Variants in GPR39 observed in about 807,000 individuals in gnomAD.
GPR39 encodes zinc sensing receptor.
GPR39 carries 23 observed loss-of-function variants against 18.4 expected under a neutral mutation model. The observed-to-expected ratio is 1.25, with a 90% confidence interval of 0.90 to 1.77. The LOEUF (loss-of-function observed/expected upper bound fraction) is 1.77, where lower values mean the gene tolerates loss of function less well. Among genes scored for constraint, GPR39 ranks in the 40% most tolerant of loss-of-function variants. GPR39 has a pLI of 0.00. For missense variants in GPR39, 647 were observed against 602.4 expected, an observed-to-expected ratio of 1.07 and a Z score of -0.78; for synonymous variants, 280 against 257.9, an observed-to-expected ratio of 1.09 and a Z score of -0.82.
chr2:132,633,207 A>G (rs1273571245), intron 1 of GPR39, among the ~76,000 whole-genome samples: 1 of 152,166 alleles, frequency 6.6e-6, no homozygotes. Flanking sequence ...AGTTGGGGAA[A>G]GGCTCAGAGC....
At position 132,641,464 on chromosome 2, in the gene GPR39, G is replaced by C. The variant is rs991435367; in HGVS notation, c.857-3637G>C. 2.4e-4 allele frequency among the ~76,000 whole-genome samples: 36 copies of C among 152,096 alleles called. 1 individual carries two copies. Reference sequence around the variant, plus strand: ...GAAGAGGGGGAGCCTTGCTGCTCTGGGGAGGGGCTAGGAAGGATTCTTTTA... The same window carrying C: ...GAAGAGGGGGAGCCTTGCTGCTCTGCGGAGGGGCTAGGAAGGATTCTTTTA... On this transcript the variant is annotated intron_variant, in intron 1 of 1. Transcript: ENST00000329321.
intron 1 of GPR39, among the ~76,000 whole-genome samples, chr2:132,533,756 T>A (rs1258322700): frequency 7.2e-5 from 11 of 152,216 alleles, no homozygotes; most frequent in Admixed American, 7.2e-4. Context: ...ATTCCCTATT[T>A]AATAAATGGT....
rs566889056 is a variant in GPR39, at chr2:132,618,836, G to A, written c.857-26265G>A. 1.1e-4 allele frequency among the ~76,000 whole-genome samples: 17 copies of A among 152,346 alleles called. No homozygotes were observed. In the South Asian group the frequency reaches 2.5e-3, roughly 22 times the overall value. On this transcript the variant is annotated intron_variant, in intron 1 of 1. Transcript: ENST00000329321. ...GGCCTGTGGTTGTGGAGGTCCCTAC[G>A]GAACTGAGGGCGTTTAGAAGATGGG... is the stretch of plus-strand genomic sequence containing the variant.
chr2:132,646,248 C>A lies in GPR39; in HGVS notation c.*642C>A. 1 of 1,575,738 alleles carries A rather than the reference C, an allele frequency of 6.3e-7. No homozygotes were observed. The highest frequency in any genetic ancestry group is 8.6e-7 in the Non-Finnish European group (1 of 1,158,102). On this transcript the variant is annotated 3_prime_UTR_variant, in exon 2 of 2. Transcript: ENST00000329321. Reference sequence around the variant, plus strand: ...CCGGCAGAGGCGATGAGACAGGCCGCTGATGATGCACAGGACTTGCGGTAC... The same window carrying A: ...CCGGCAGAGGCGATGAGACAGGCCGATGATGATGCACAGGACTTGCGGTAC...
At chr2:132,482,215 T>C (rs71413503) in intron 1 of GPR39, among the ~76,000 whole-genome samples, 7 of 152,250 alleles carry the variant, frequency 4.6e-5, no homozygotes, top group Non-Finnish European at 7.3e-5. Context: ...TTTTTCTCTG[T>C]GTCATGGGAA....
chr2:132,485,190 T>C (rs1681308038), intron 1 of GPR39, among the ~76,000 whole-genome samples: 1 of 152,236 alleles, frequency 6.6e-6, no homozygotes, highest in East Asian at 1.9e-4. Flanking sequence ...CAATCTGTAG[T>C]CTAAGCATTG....
At chr2:132,539,063 G>T (rs925279455) in intron 1 of GPR39, among the ~76,000 whole-genome samples, 5 of 152,168 alleles carry the variant, frequency 3.3e-5, no homozygotes, top group African/African-American at 1.2e-4. Context: ...CTTTCCAGGG[G>T]TGTGGATGGT....
chr2:132,646,517 T>C lies in GPR39; in HGVS notation c.*911T>C, dbSNP rs927835971. 2.9e-5 allele frequency: 11 copies of C among 383,956 alleles called. No homozygotes were observed. The highest frequency in any genetic ancestry group is 1.4e-4 in the South Asian group (1 of 7,338). 23.8% of individuals were successfully genotyped at this position (383,956 alleles called of 1,614,324 possible). On this transcript the variant is annotated 3_prime_UTR_variant, in exon 2 of 2. Transcript: ENST00000329321. ...TTCCAAAAGCGATTTGAGATGCCAA[T>C]ACCTGTGAATACCTGTTAATAAAGA...
chr2:132,626,588 A>G (rs1681548737), intron 1 of GPR39, among the ~76,000 whole-genome samples: 5 of 152,312 alleles, frequency 3.3e-5, no homozygotes, highest in Admixed American at 3.3e-4. Flanking sequence ...TCTAGTCAAT[A>G]AAGAGAAAGG....
chr2:132,436,067 G>A (rs186876118), intron 1 of GPR39, among the ~76,000 whole-genome samples: 1 of 152,312 alleles, frequency 6.6e-6, no homozygotes, highest in East Asian at 1.9e-4. Context: ...CAGAAAGAGA[G>A]CTTTAGGCCC....
chr2:132,429,548 G>C (rs1406110266), intron 1 of GPR39, among the ~76,000 whole-genome samples: 1 of 152,260 alleles, frequency 6.6e-6, no homozygotes, highest in African/African-American at 2.4e-5. Flanking sequence ...ACGTGCACTG[G>C]CATGAGAGTC....
chr2:132,546,890 T>G (rs1193823666), intron 1 of GPR39, among the ~76,000 whole-genome samples: 1 of 99,400 alleles, frequency 1.0e-5, no homozygotes, highest in African/African-American at 4.0e-5. Flanking sequence ...AAATATCAAA[T>G]GAAGGGGAGG....
At chr2:132,541,223 A>G (rs922548642) in intron 1 of GPR39, among the ~76,000 whole-genome samples, 17 of 152,080 alleles carry the variant, frequency 1.1e-4, no homozygotes, top group African/African-American at 3.9e-4. Flanking sequence ...AGCCGAAATT[A>G]TAGGTATGTG....
Position 132,645,232 on chromosome 2 carries a change from G to A in GPR39, c.988G>A (p.Glu330Lys). The A allele has an allele frequency of 6.2e-7, 1 of 1,614,162 alleles. No individual in the cohort carries two copies. Among genetic ancestry groups the A allele is most frequent in the Non-Finnish European group, 8.5e-7 (1 of 1,180,034 alleles). The change falls in exon 2 of 2, where the codon GAG becomes AAG. Residue 330 changes from glutamate to lysine, a missense_variant. Physicochemically the swap from Glu to Lys is moderately conservative, Grantham distance 56. Coordinates refer to ENST00000329321, the MANE Select transcript of GPR39 (RefSeq NM_001508.3). Reference protein sequence around the residue: ...RAYMILLPFSETFFYLSSVIN... With the variant: ...RAYMILLPFSKTFFYLSSVIN... The stretch of plus-strand genomic sequence containing the variant: ...GTACATGATCCTCCTCCCCTTCTCG[G>A]AGACGTTTTTCTACCTCAGCTCGGT...
rs1254262828 is a variant in GPR39, at chr2:132,517,623, A to G, written c.856+99725A>G. Among the ~76,000 whole-genome samples the G allele has an allele frequency of 1.3e-5, 2 of 152,344 alleles. 1 individual carries two copies. Among genetic ancestry groups the G allele is most frequent in the South Asian group, 4.1e-4 (2 of 4,824 alleles). On this transcript the variant is annotated intron_variant, in intron 1 of 1. Coordinates refer to ENST00000329321, the MANE Select transcript of GPR39 (RefSeq NM_001508.3). ...CTCAGCTCAAAGGAACTGCTTAGAT[A>G]TGGTTACAGCATGCTACTTCTCATG...
chr2:132,526,223 G>A (rs1027099150), intron 1 of GPR39, among the ~76,000 whole-genome samples: 10 of 152,212 alleles, frequency 6.6e-5, no homozygotes, highest in African/African-American at 2.2e-4. Flanking sequence ...TTTAGCATGC[G>A]GTAGATGCAC....
chr2:132,511,465 A>G (rs1486287705), intron 1 of GPR39, among the ~76,000 whole-genome samples: 2 of 152,212 alleles, frequency 1.3e-5, no homozygotes, highest in African/African-American at 4.8e-5. Context: ...GTTCTGTATG[A>G]TATTCTAAAC....
At chr2:132,426,953 G>T (rs188825471) in intron 1 of GPR39, among the ~76,000 whole-genome samples, 10 of 152,030 alleles carry the variant, frequency 6.6e-5, no homozygotes, top group African/African-American at 2.4e-4. Context: ...AACTTGCAGA[G>T]AGAAGCCACT....
At position 132,492,175 on chromosome 2, in the gene GPR39, A is replaced by G. The variant is rs549537746; in HGVS notation, c.856+74277A>G. On this transcript the variant is annotated intron_variant, in intron 1 of 1. Coordinates refer to ENST00000329321, the MANE Select transcript of GPR39 (RefSeq NM_001508.3). ...CCACATAAATATATACACACCATAT[A>G]TACACCATATATATACATACCATAT... Among the ~76,000 whole-genome samples, 11 of 147,396 alleles carry G rather than the reference A, an allele frequency of 7.5e-5. No homozygotes were observed. The East Asian group carries it at 1.8e-3, about 24-fold the overall frequency.
Sources: allele counts gnomAD v4.1 joint callset (sites outside exome capture counted in the v4.1 genomes callset), GRCh38; gene constraint gnomAD v4.1.1; transcripts MANE v1.5; gene names NCBI Gene and HGNC (gene_info 2026-07-23, HGNC 2026-07-21).